ZFHX3: variants seen among roughly 807,000 people sequenced by gnomAD.
ZFHX3 encodes zinc finger homeobox 3.
A neutral mutation model predicts 279.1 loss-of-function variants in ZFHX3; 42 were observed. That is an observed-to-expected ratio of 0.15 (90% CI 0.12 to 0.19). ZFHX3 has a LOEUF of 0.19. Ranked by LOEUF, ZFHX3 falls within the 10% of genes least tolerant of loss-of-function variation. The pLI is 1.00. For missense variants in ZFHX3, 4,981 were observed against 4,754.0 expected (o/e 1.05, Z -1.40); for synonymous variants, 2,293 against 1,957.8 (o/e 1.17, Z -4.52).
intron 2 of ZFHX3, among the ~76,000 whole-genome samples, chr16:73,579,117 C>G (rs780207455): frequency 6.6e-6 from 1 of 152,218 alleles, no homozygotes; most frequent in African/African-American, 2.4e-5. Context: ...CCTTAGTCTC[C>G]ACAACCTCTT....
rs143025874 is a variant in ZFHX3 at position 72,797,547 on chromosome 16, C to A, written c.5135G>T (p.Arg1712Leu). The A allele has an allele frequency of 6.2e-7, 1 of 1,613,998 alleles. No individual in the cohort carries two copies. Among genetic ancestry groups the A allele is most frequent in the Non-Finnish European group, 8.5e-7 (1 of 1,179,998 alleles). Residue 1712 changes from arginine (R) to leucine (L), a missense_variant, in exon 9 of 10, where the codon CGG becomes CTG. Physicochemically the swap from Arg to Leu is moderately radical, Grantham distance 102. Coordinates refer to ENST00000268489, the MANE Select transcript of ZFHX3 (RefSeq NM_006885.4). The stretch of plus-strand genomic sequence containing the variant: ...TGCAATCATATCTGCCAGTTTCTTC[C>A]GATTGGCCTCTTTGGGCTCTGAAGG... ...ASPSEPKEAN[R>L]KKLADMIASR...
intron 3 of ZFHX3, among the ~76,000 whole-genome samples, chr16:73,407,238 C>G (rs771863264): frequency 9.2e-5 from 14 of 152,112 alleles, no homozygotes; most frequent in African/African-American, 2.9e-4. Context: ...AGGTTAGAAG[C>G]CTTGTTCTAA....
At chr16:73,364,282 G>A (rs1038080343) in intron 3 of ZFHX3, among the ~76,000 whole-genome samples, 2 of 151,082 alleles carry the variant, frequency 1.3e-5, no homozygotes, top group Non-Finnish European at 1.5e-5. Flanking sequence ...CCTGTGATTT[G>A]ATTTCTGACT....
chr16:73,070,915 TGCGCGCGCGC>T (rs1214080832), intron 8 of ZFHX3, among the ~76,000 whole-genome samples: 134 of 90,606 alleles, frequency 1.5e-3, no homozygotes, highest in African/African-American at 4.3e-3. Context: ...TAGACCGTCT[TGCGCGCGCGC>T]GCGCGCGCGC....
chr16:73,205,111 G>A (rs953564875), intron 5 of ZFHX3, among the ~76,000 whole-genome samples: 4 of 152,140 alleles, frequency 2.6e-5, no homozygotes, highest in Non-Finnish European at 4.4e-5. Flanking sequence ...AGGACTCCAA[G>A]TGACCCTGAT....
intron 2 of ZFHX3, among the ~76,000 whole-genome samples, chr16:73,558,943 G>A (rs1017639149): frequency 2.0e-5 from 3 of 151,740 alleles, no homozygotes; most frequent in Admixed American, 1.3e-4. Flanking sequence ...TTGAACTCCT[G>A]ACCTCAAGTG....
At chr16:73,087,963 G>A (rs1466268120) in intron 8 of ZFHX3, among the ~76,000 whole-genome samples, 1 of 151,830 alleles carries the variant, frequency 6.6e-6, no homozygotes, top group Non-Finnish European at 1.5e-5. Flanking sequence ...TGAGTAACTG[G>A]GATTATAGGC....
At chr16:73,511,689 G>C (rs925217857) in intron 2 of ZFHX3, among the ~76,000 whole-genome samples, 7 of 152,140 alleles carry the variant, frequency 4.6e-5, no homozygotes, top group African/African-American at 1.7e-4. Flanking sequence ...CAACATGGCA[G>C]ATAGAGCAAA....
At chr16:73,653,668 GAAA>G (rs898362150) in intron 2 of ZFHX3, among the ~76,000 whole-genome samples, 1 of 150,726 alleles carries the variant, frequency 6.6e-6, no homozygotes, top group South Asian at 2.1e-4. Flanking sequence ...TGTAAAAATA[GAAA>G]AAAAACCCAC....
chr16:73,871,795 T>TA (rs2029862690), intron 1 of ZFHX3, among the ~76,000 whole-genome samples: 1 of 152,130 alleles, frequency 6.6e-6, no homozygotes, highest in Admixed American at 6.5e-5. Flanking sequence ...AGTGAGACCA[T>TA]AGTTAGACTT....
chr16:73,051,406 CAG>C (rs1965447781), upstream of ZFHX3, among the ~76,000 whole-genome samples: 1 of 152,174 alleles, frequency 6.6e-6, no homozygotes. Context: ...GGGTATGGAA[CAG>C]AATGCAGAAG....
At chr16:73,145,530 G>A (rs897788146) in intron 5 of ZFHX3, among the ~76,000 whole-genome samples, 1 of 152,246 alleles carries the variant, frequency 6.6e-6, no homozygotes, top group East Asian at 1.9e-4. Flanking sequence ...GCTAAAGACT[G>A]TTTGATTGTT....
intron 7 of ZFHX3, among the ~76,000 whole-genome samples, chr16:73,124,360 G>T (rs1360840270): frequency 6.6e-6 from 1 of 151,984 alleles, no homozygotes; most frequent in African/African-American, 2.4e-5. Flanking sequence ...TAGCTCTCTG[G>T]GTCTCTTTTA....
rs71156159 is a variant in ZFHX3 at position 73,378,030 on chromosome 16, C to CAAAAAAAAAAAAAA, written c.-1290-59708_-1290-59695dup. On this transcript the variant is annotated intron_variant, in intron 3 of 17. Transcript: ENST00000641206. ...CCTGGGTGACAGAGAGACTCTGTCT[C>CAAAAAAAAAAAAAA]AAAAAAAAAAAAAAAAAAAAAAAAA... 6.9e-4 allele frequency among the ~76,000 whole-genome samples: 37 copies of CAAAAAAAAAAAAAA among 53,840 alleles called. 7 individuals are homozygous for CAAAAAAAAAAAAAA. The highest frequency in any genetic ancestry group is 1.1e-3 in the East Asian group (1 of 912). 35.3% of individuals were successfully genotyped at this position (53,840 alleles called of 152,430 possible). A position where few individuals can be genotyped will look rare whatever the true frequency, so the allele number is the denominator to read the frequency against.
chr16:73,117,482 A>G (rs1345999783), intron 7 of ZFHX3, among the ~76,000 whole-genome samples: 4 of 152,246 alleles, frequency 2.6e-5, no homozygotes, highest in African/African-American at 9.6e-5. Flanking sequence ...TTGAAAACAC[A>G]TGATCAAACA....
At chr16:73,757,619 G>A (rs2053823694) in intron 1 of ZFHX3, among the ~76,000 whole-genome samples, 1 of 152,140 alleles carries the variant, frequency 6.6e-6, no homozygotes, top group African/African-American at 2.4e-5. Flanking sequence ...CAACAAGATA[G>A]TCAGAGTTTA....
At chr16:73,663,408 G>T (rs572997339) in intron 2 of ZFHX3, among the ~76,000 whole-genome samples, 1 of 152,308 alleles carries the variant, frequency 6.6e-6, no homozygotes, top group South Asian at 2.1e-4. Context: ...TCCCCACCCT[G>T]CAGGTCTTGC....
At chr16:73,444,971 A>C (rs1297633005) in intron 3 of ZFHX3, among the ~76,000 whole-genome samples, 17 of 150,838 alleles carry the variant, frequency 1.1e-4, no homozygotes, top group Non-Finnish European at 2.2e-4. Context: ...AAAAAAAAAA[A>C]AAAAAAAAAA....
At chr16:73,426,505 A>G (rs193200481) in intron 3 of ZFHX3, among the ~76,000 whole-genome samples, 1 of 151,936 alleles carries the variant, frequency 6.6e-6, no homozygotes, top group Non-Finnish European at 1.5e-5. Flanking sequence ...CATTCTCATA[A>G]TGACAGAGTT....
Sources: allele counts gnomAD v4.1 joint callset (sites outside exome capture counted in the v4.1 genomes callset), GRCh38; gene constraint gnomAD v4.1.1; transcripts MANE v1.5; gene names NCBI Gene and HGNC (gene_info 2026-07-23, HGNC 2026-07-21).